OBP2B: variants seen among roughly 807,000 people sequenced by gnomAD.
OBP2B encodes the protein odorant-binding protein 2b.
Under a neutral mutation model 21.7 loss-of-function variants are expected in OBP2B, and 10 were observed. The ratio of observed to expected loss-of-function variants is 0.46; its 90% confidence interval spans 0.28 to 0.78. The LOEUF (loss-of-function observed/expected upper bound fraction) is 0.78. Ranked by LOEUF, OBP2B falls within the 30% of genes least tolerant of loss-of-function variation. OBP2B has a pLI of 0.11. For missense variants in OBP2B, 153 were observed against 217.7 expected, an observed-to-expected ratio of 0.70 and a Z score of 1.87; for synonymous variants, 73 against 91.5, an observed-to-expected ratio of 0.80 and a Z score of 1.16.
At position 133,208,413 on chromosome 9, in the gene OBP2B, G is replaced by A. The variant is rs528292509; in HGVS notation, c.206+56C>T. ...TGGATGGGGCAATGGGCACCAGGTG[G>A]ATCTGGGGAGGGGAGCGAAAGTGGC... On this transcript the variant is annotated intron_variant, in intron 2 of 6. Coordinates refer to ENST00000372034, the MANE Select transcript of OBP2B (RefSeq NM_014581.4). 1.9e-3 allele frequency: 3,060 copies of A among 1,594,986 alleles called. 26 individuals carry two copies. The highest frequency in any genetic ancestry group is 0.016 in the South Asian group (1,457 of 88,322).
chr9:133,219,976 C>A, the OBP2B span, among the ~76,000 whole-genome samples: 1 of 152,186 alleles, frequency 6.6e-6, no homozygotes, highest in Non-Finnish European at 1.5e-5. Context: ...ACCACATGAG[C>A]AAACGTTGAA....
At chr9:133,206,810 C>T (rs1304715758) in intron 4 of OBP2B, among the ~76,000 whole-genome samples, 11 of 151,922 alleles carry the variant, frequency 7.2e-5, no homozygotes, top group Admixed American at 7.2e-4. Flanking sequence ...ACTCGGCAAC[C>T]CCAGGGGACC....
the OBP2B span, among the ~76,000 whole-genome samples, chr9:133,220,545 G>A: frequency 1.4e-5 from 2 of 148,082 alleles, no homozygotes; most frequent in Non-Finnish European, 3.0e-5. Context: ...ATGGTCCCCT[G>A]AAGATGTCCA....
Position 133,208,508 on chromosome 9 carries a change from G to A in OBP2B, c.167C>T (p.Ala56Val), listed in dbSNP as rs782792255. The A allele has an allele frequency of 1.1e-5, 18 of 1,613,862 alleles. No homozygotes were observed. Among genetic ancestry groups the A allele is most frequent in the Non-Finnish European group, 1.5e-5 (18 of 1,179,804 alleles). Residue 56 changes from alanine (A) to valine (V), a missense_variant, in exon 2 of 7, where the codon GCC becomes GTC. By Grantham distance (64) the Ala-to-Val change is moderately conservative. Transcript: ENST00000372034. ...PRKVSPVKVT[A>V]LGGGKLEATF... is the part of the protein sequence containing the mutation. ...GGCTTCCAACTTCCCACCGCCCAGG[G>A]CTGTCACCTTCACTGGGGACACCTT...
At chr9:133,220,662 C>T in the OBP2B span, among the ~76,000 whole-genome samples, 5 of 151,630 alleles carry the variant, frequency 3.3e-5, no homozygotes, top group African/African-American at 7.3e-5. Flanking sequence ...CATGTGTAGA[C>T]GGAATAATGG....
At chr9:133,222,216 G>A in the OBP2B span, among the ~76,000 whole-genome samples, 5 of 152,214 alleles carry the variant, frequency 3.3e-5, no homozygotes, top group African/African-American at 9.6e-5. Flanking sequence ...ACAGGAGATC[G>A]CCAAGCTCTC....
chr9:133,207,265 G>A lies in OBP2B; in HGVS notation c.349C>T (p.Gln117Ter), dbSNP rs1833756108. Residue 117 changes from glutamine to a stop codon, truncating the protein, a stop_gained, in exon 4 of 7, where the codon CAG becomes TAG. Coordinates refer to ENST00000372034, the MANE Select transcript of OBP2B (RefSeq NM_014581.4). LOFTEE classifies it high-confidence loss of function. ...ATGTGGAGCAGGCCCCCATGGTGCTGGTCTTTGCAGTAAAAGATGTAGTGG... is the reference window on the plus strand; with the variant it reads ...ATGTGGAGCAGGCCCCCATGGTGCTAGTCTTTGCAGTAAAAGATGTAGTGG... ...RDHYIFYCKD[Q>*]HHGGLLHMGK... The A allele has an allele frequency of 2.5e-6, 4 of 1,613,902 alleles. No homozygotes were observed. The highest frequency in any genetic ancestry group is 3.4e-6 in the Non-Finnish European group (4 of 1,179,826).
chr9:133,209,805 G>A (rs868934998), upstream of OBP2B, among the ~76,000 whole-genome samples: 2 of 152,128 alleles, frequency 1.3e-5, no homozygotes, highest in Admixed American at 6.5e-5. The surrounding 1 kb of genome is among the most constrained non-coding windows in gnomAD (Gnocchi z 6.0). Context: ...GCAGAGGAGG[G>A]CACTATTGTG....
At chr9:133,209,456 C>G (rs1193944295), upstream of OBP2B, among the ~76,000 whole-genome samples, 1 of 152,136 alleles carries the variant, frequency 6.6e-6, no homozygotes, top group Non-Finnish European at 1.5e-5. This position sits in a 1 kb window ranked among gnomAD's most constrained non-coding sequence, Gnocchi z 6.0. Context: ...TTTGCACCAC[C>G]CGAACGCGCC....
At chr9:133,219,612 T>C in the OBP2B span, among the ~76,000 whole-genome samples, 3 of 152,288 alleles carry the variant, frequency 2.0e-5, no homozygotes, top group East Asian at 5.8e-4. Context: ...AGCCAGATAA[T>C]AACAAGGGTT....
At chr9:133,215,121 T>G in the OBP2B span, among the ~76,000 whole-genome samples, 2 of 152,206 alleles carry the variant, frequency 1.3e-5, no homozygotes, top group Non-Finnish European at 2.9e-5. Context: ...ATCAATTGTG[T>G]GTCTACATAC....
upstream of OBP2B, among the ~76,000 whole-genome samples, chr9:133,212,823 C>A (rs782799392): frequency 6.6e-6 from 1 of 151,946 alleles, no homozygotes; most frequent in Admixed American, 6.6e-5. Flanking sequence ...CCCAGCTAAT[C>A]GGGAGGCTGA....
At chr9:133,221,742 T>C in the OBP2B span, among the ~76,000 whole-genome samples, 9 of 151,940 alleles carry the variant, frequency 5.9e-5, no homozygotes, top group East Asian at 1.9e-4. Context: ...TCAGACTCCA[T>C]ATTTAATAGT....
chr9:133,206,954 G>T (rs1390038004), intron 4 of OBP2B, among the ~76,000 whole-genome samples: 3 of 152,016 alleles, frequency 2.0e-5, no homozygotes, highest in African/African-American at 7.3e-5. Flanking sequence ...CGCTTAAGGT[G>T]ACCCTCCCCC....
chr9:133,222,652 C>T, the OBP2B span, among the ~76,000 whole-genome samples: 4 of 152,024 alleles, frequency 2.6e-5, no homozygotes, highest in African/African-American at 9.7e-5. Flanking sequence ...TGCTTGAACC[C>T]GGGAAGCAGA....
chr9:133,223,104 T>C, the OBP2B span, among the ~76,000 whole-genome samples: 1,020 of 152,292 alleles, frequency 6.7e-3, 11 homozygotes, highest in African/African-American at 0.023. This position sits in a 1 kb window ranked among gnomAD's most constrained non-coding sequence, Gnocchi z 4.4. Flanking sequence ...CACATTGGCT[T>C]GAGCGGTAGA....
chr9:133,212,756 A>G (rs1833929721), upstream of OBP2B, among the ~76,000 whole-genome samples: 1 of 150,548 alleles, frequency 6.6e-6, no homozygotes, highest in Non-Finnish European at 1.5e-5. Flanking sequence ...CATGGCGAAA[A>G]CCCATCTCTA....
chr9:133,207,371 G>A (rs1394564959), intron 3 of OBP2B, 35 bp from the exon 4 acceptor site: 4 of 1,379,262 alleles, frequency 2.9e-6, no homozygotes, highest in Non-Finnish European at 4.1e-6. Context: ...CATTCCCAGA[G>A]AGAACACTCG....
chr9:133,211,275 T>TC (rs1363185966), upstream of OBP2B, among the ~76,000 whole-genome samples: 6 of 152,226 alleles, frequency 3.9e-5, no homozygotes, highest in African/African-American at 1.2e-4. Flanking sequence ...GTAGGGACCA[T>TC]CGCCTGTGCC....
Sources: gnomAD v4.1 joint callset for allele counts (sites outside exome capture counted in the v4.1 genomes callset) on GRCh38, gnomAD v4.1.1 for gene constraint, Gnocchi (gnomAD v3.1) non-coding constraint, MANE v1.5 for transcripts, NCBI Gene and HGNC (gene_info 2026-07-23, HGNC 2026-07-21) for gene names.